LHFPL6: variants seen among roughly 807,000 people sequenced by gnomAD.
LHFPL6 encodes the protein LHFPL tetraspan subfamily member 6.
Under a neutral mutation model 20.6 loss-of-function variants are expected in LHFPL6, and 9 were observed. The ratio of observed to expected loss-of-function variants is 0.44; its 90% CI spans 0.26 to 0.76. LHFPL6 has a LOEUF of 0.76. Ranked by LOEUF, LHFPL6 falls within the 30% of genes least tolerant of loss-of-function variation. The pLI is 0.20. For synonymous variants in LHFPL6, 105 were observed against 98.7 expected (o/e 1.06, Z -0.38); for missense variants, 218 against 253.5 (o/e 0.86, Z 0.95).
chr13:39,450,499 T>A (rs1177673881), intron 2 of LHFPL6, among the ~76,000 whole-genome samples: 1 of 152,166 alleles, frequency 6.6e-6, no homozygotes, highest in Non-Finnish European at 1.5e-5. Flanking sequence ...TGTATGTGTA[T>A]GTGGGTGTGT....
At chr13:39,393,245 G>A (rs561538790) in intron 2 of LHFPL6, among the ~76,000 whole-genome samples, 1 of 152,338 alleles carries the variant, frequency 6.6e-6, no homozygotes, top group African/African-American at 2.4e-5. Flanking sequence ...TTCATGCACT[G>A]AGCTGGTGGG....
intron 2 of LHFPL6, among the ~76,000 whole-genome samples, chr13:39,565,356 C>T (rs1170904800): frequency 6.6e-6 from 1 of 151,916 alleles, no homozygotes; most frequent in African/African-American, 2.4e-5. Flanking sequence ...ATTTTGTGTT[C>T]AAGTTTACTG....
intron 2 of LHFPL6, among the ~76,000 whole-genome samples, chr13:39,495,215 C>T (rs1258499485): frequency 6.6e-6 from 1 of 152,230 alleles, no homozygotes; most frequent in Non-Finnish European, 1.5e-5. Context: ...CCTTGTAACA[C>T]ATTTTATTAA....
At chr13:39,586,885 G>T (rs534431824) in intron 2 of LHFPL6, among the ~76,000 whole-genome samples, 1 of 152,002 alleles carries the variant, frequency 6.6e-6, no homozygotes, top group South Asian at 2.1e-4. Flanking sequence ...GGCCAGGCAC[G>T]GTGGCTCACG....
chr13:39,458,876 G>A (rs527240019), intron 2 of LHFPL6, among the ~76,000 whole-genome samples: 1 of 152,086 alleles, frequency 6.6e-6, no homozygotes, highest in Non-Finnish European at 1.5e-5. Context: ...ATATTGTAAG[G>A]AAATACCGAA....
intron 3 of LHFPL6, among the ~76,000 whole-genome samples, chr13:39,345,533 A>AAG (rs1337670804): frequency 7.7e-5 from 11 of 142,994 alleles, no homozygotes; most frequent in Non-Finnish European, 1.4e-4. Context: ...AAAAAAAAAA[A>AAG]AAAAAAAGAA....
Position 39,343,554 on chromosome 13 carries a change from T to TAA in LHFPL6, c.*380_*381dup, listed in dbSNP as rs878915860. ...CCTTTGATTTTCTGAGTCCTCACCTTAAAAAAAAAAAACTAAAACCCAAAC... is the reference window on the plus strand; with the variant it reads ...CCTTTGATTTTCTGAGTCCTCACCTTAAAAAAAAAAAAAACTAAAACCCAAAC... On this transcript the variant is annotated 3_prime_UTR_variant, in exon 4 of 4. Transcript: ENST00000379589. 1.3e-3 allele frequency: 275 copies of TAA among 204,278 alleles called. No individual in the cohort carries two copies. The highest frequency in any genetic ancestry group is 2.8e-3 in the Middle Eastern group (2 of 712). The allele number at this position is 204,278 out of a possible 1,614,324, so 12.7% of individuals were successfully genotyped here.
At chr13:39,421,061 T>C (rs919537427) in intron 2 of LHFPL6, among the ~76,000 whole-genome samples, 1 of 152,052 alleles carries the variant, frequency 6.6e-6, no homozygotes, top group Admixed American at 6.5e-5. Flanking sequence ...TTATTCCTAG[T>C]GGTAGCAATA....
chr13:39,486,785 T>C lies in LHFPL6; in HGVS notation c.386-108259A>G, dbSNP rs117726310. ...ATATCTAATGTCAAAAGAAAAACAG[T>C]GTAGTTCCTTGCTGGATTACTCTGC... On this transcript the variant is annotated intron_variant, in intron 2 of 3. Coordinates refer to ENST00000379589, the MANE Select transcript of LHFPL6 (RefSeq NM_005780.3). 6.4e-3 allele frequency among the ~76,000 whole-genome samples: 979 copies of C among 152,324 alleles called. 5 individuals carry two copies. The highest frequency in any genetic ancestry group is 0.012 in the Non-Finnish European group (813 of 68,028).
chr13:39,590,991 C>A (rs368449175), intron 2 of LHFPL6, among the ~76,000 whole-genome samples: 4 of 152,314 alleles, frequency 2.6e-5, no homozygotes. Flanking sequence ...AAAGACTCTA[C>A]TCTGCCTAAA....
At chr13:39,550,843 CT>C (rs1451007648) in intron 2 of LHFPL6, among the ~76,000 whole-genome samples, 1 of 152,064 alleles carries the variant, frequency 6.6e-6, no homozygotes, top group Non-Finnish European at 1.5e-5. Context: ...GTCTTGAATG[CT>C]TTTAAAGAGT....
Position 39,343,722 on chromosome 13 carries a change from T to C in LHFPL6, c.*214A>G, listed in dbSNP as rs909970644. The C allele has an allele frequency of 2.1e-6, 1 of 476,046 alleles. No homozygotes were observed. The highest frequency in any genetic ancestry group is 3.7e-6 in the Non-Finnish European group (1 of 267,458). The allele number at this position is 476,046 out of a possible 1,614,324, so 29.5% of individuals were successfully genotyped here. A position where few individuals can be genotyped will look rare whatever the true frequency, so the allele number is the denominator to read the frequency against. ...AATATTTTTAGCCTTTGGTCCATTTTTCTCCATCATTCTATACTCTCCTTT... is the reference window on the plus strand; with the variant it reads ...AATATTTTTAGCCTTTGGTCCATTTCTCTCCATCATTCTATACTCTCCTTT... On this transcript the variant is annotated 3_prime_UTR_variant, in exon 4 of 4. Coordinates refer to ENST00000379589, the MANE Select transcript of LHFPL6 (RefSeq NM_005780.3).
chr13:39,518,553 CAT>C (rs1256479453), intron 2 of LHFPL6, among the ~76,000 whole-genome samples: 2 of 152,118 alleles, frequency 1.3e-5, no homozygotes, highest in African/African-American at 2.4e-5. Context: ...TTGTTAACTT[CAT>C]ATGTTTGTAA....
intron 3 of LHFPL6, among the ~76,000 whole-genome samples, chr13:39,344,874 A>G (rs1442751303): frequency 6.6e-6 from 1 of 152,248 alleles, no homozygotes; most frequent in Non-Finnish European, 1.5e-5. Flanking sequence ...TTTGGAATAA[A>G]GTGAGCCAGG....
At chr13:39,455,318 T>C (rs975055652) in intron 2 of LHFPL6, among the ~76,000 whole-genome samples, 3 of 152,046 alleles carry the variant, frequency 2.0e-5, no homozygotes, top group African/African-American at 7.2e-5. Context: ...ACTGGGTTAG[T>C]CATGGAAGAA....
intron 2 of LHFPL6, among the ~76,000 whole-genome samples, chr13:39,424,320 T>C (rs1871583246): frequency 3.3e-5 from 5 of 151,774 alleles, no homozygotes; most frequent in African/African-American, 1.2e-4. Context: ...AATCACACAA[T>C]AAAGGAATAA....
chr13:39,573,364 T>C (rs1456775423), intron 2 of LHFPL6, among the ~76,000 whole-genome samples: 1 of 152,214 alleles, frequency 6.6e-6, no homozygotes, highest in Non-Finnish European at 1.5e-5. Flanking sequence ...TTTTAATGTA[T>C]GTTTTTAAAA....
chr13:39,516,938 T>G (rs943607351), intron 2 of LHFPL6, among the ~76,000 whole-genome samples: 2 of 152,214 alleles, frequency 1.3e-5, no homozygotes, highest in Non-Finnish European at 2.9e-5. Flanking sequence ...ATTCTATTAA[T>G]TTAATGCACG....
intron 2 of LHFPL6, among the ~76,000 whole-genome samples, chr13:39,576,543 C>CTTTT (rs1872121615): frequency 6.6e-6 from 1 of 152,182 alleles, no homozygotes; most frequent in Non-Finnish European, 1.5e-5. Context: ...AAATCTCTGG[C>CTTTT]TTTTTTCTGC....
Sources: allele counts gnomAD v4.1 joint callset (sites outside exome capture counted in the v4.1 genomes callset), GRCh38; gene constraint gnomAD v4.1.1; transcripts MANE v1.5; gene names NCBI Gene and HGNC (gene_info 2026-07-23, HGNC 2026-07-21).